ZNF804A: variants seen among roughly 807,000 people sequenced by gnomAD.
The protein encoded by ZNF804A is zinc finger protein 804A.
A neutral mutation model predicts 16.5 loss-of-function variants in ZNF804A; 2 were observed. The ratio of observed to expected loss-of-function variants is 0.12; its 90% CI spans 0.05 to 0.38. The LOEUF (loss-of-function observed/expected upper bound fraction) is 0.38. Among genes scored for constraint, ZNF804A ranks in the 10% least tolerant of loss-of-function variants. The pLI is 0.99. For synonymous variants in ZNF804A, 534 were observed against 489.6 expected, an observed-to-expected ratio of 1.09 and a Z score of -1.20; for missense variants, 1,473 against 1,390.7, an observed-to-expected ratio of 1.06 and a Z score of -0.94.
intron 1 of ZNF804A, among the ~76,000 whole-genome samples, chr2:184,818,083 A>G (rs1336166728): frequency 6.6e-6 from 1 of 151,928 alleles, no homozygotes; most frequent in African/African-American, 2.4e-5. Context: ...ACATAAGAAG[A>G]TCAACCCCAA....
Position 184,939,157 on chromosome 2 carries a change from A to G in ZNF804A, c.*131A>G. On this transcript the variant is annotated 3_prime_UTR_variant, in exon 4 of 4. Coordinates refer to ENST00000302277, the MANE Select transcript of ZNF804A (RefSeq NM_194250.2). The stretch of plus-strand genomic sequence containing the variant: ...GCCGATACATGGCGTCATTGGTTTG[A>G]AATCATTTACTGTAAGTGCAATGAT... The G allele has an allele frequency of 8.5e-7, 1 of 1,171,588 alleles. No homozygotes were observed. The highest frequency in any genetic ancestry group is 2.4e-5 in the East Asian group (1 of 42,130). 72.6% of individuals were successfully genotyped at this position (1,171,588 alleles called of 1,614,324 possible). A position where few individuals can be genotyped will look rare whatever the true frequency, so the allele number is the denominator to read the frequency against.
chr2:184,897,630 A>T (rs1685108990), intron 2 of ZNF804A, among the ~76,000 whole-genome samples: 1 of 151,954 alleles, frequency 6.6e-6, no homozygotes, highest in Non-Finnish European at 1.5e-5. Flanking sequence ...TTTCTCCAAC[A>T]CTTTTTTATT....
At chr2:184,919,470 C>A (rs1023310527) in intron 2 of ZNF804A, among the ~76,000 whole-genome samples, 1 of 152,154 alleles carries the variant, frequency 6.6e-6, no homozygotes, top group Non-Finnish European at 1.5e-5. Flanking sequence ...GTTCATTGGG[C>A]AGTGACACAG....
intron 1 of ZNF804A, among the ~76,000 whole-genome samples, chr2:184,744,304 T>A (rs1406271641): frequency 6.6e-6 from 1 of 151,936 alleles, no homozygotes; most frequent in African/African-American, 2.4e-5. Context: ...GTACATCATA[T>A]TATCATAGAA....
chr2:184,643,453 T>C (rs748515982), intron 1 of ZNF804A, among the ~76,000 whole-genome samples: 4 of 151,970 alleles, frequency 2.6e-5, no homozygotes, highest in Non-Finnish European at 4.4e-5. Context: ...AAAAGAGATA[T>C]ACTCATTGTA....
chr2:184,603,551 A>G (rs1691083088), intron 1 of ZNF804A, among the ~76,000 whole-genome samples: 1 of 152,184 alleles, frequency 6.6e-6, no homozygotes, highest in South Asian at 2.1e-4. Context: ...ATGTAATTTA[A>G]AAGGCTTCTC....
chr2:184,780,203 G>A (rs1044437839), intron 1 of ZNF804A, among the ~76,000 whole-genome samples: 1 of 151,732 alleles, frequency 6.6e-6, no homozygotes, highest in Non-Finnish European at 1.5e-5. Context: ...GCCATGTTAT[G>A]TAGTACCAGA....
At position 184,939,040 on chromosome 2, in the gene ZNF804A, G is replaced by A; in HGVS notation, c.*14G>A. The A allele has an allele frequency of 6.2e-7, 1 of 1,606,312 alleles. No individual in the cohort carries two copies. The highest frequency in any genetic ancestry group is 8.5e-7 in the Non-Finnish European group (1 of 1,175,024). On this transcript the variant is annotated 3_prime_UTR_variant, in exon 4 of 4. Transcript: ENST00000302277. The stretch of plus-strand genomic sequence containing the variant: ...CCTCTCTTCTAGTCATCACCATAAT[G>A]GGAAAAAAATACTCTTGTGAAAACT...
intron 1 of ZNF804A, among the ~76,000 whole-genome samples, chr2:184,746,249 T>C (rs1693787703): frequency 1.3e-5 from 2 of 151,562 alleles, no homozygotes; most frequent in South Asian, 4.1e-4. Context: ...GTAACTATAG[T>C]TGCCCTATTG....
chr2:184,816,075 A>G (rs986710937), intron 1 of ZNF804A, among the ~76,000 whole-genome samples: 4 of 152,002 alleles, frequency 2.6e-5, no homozygotes, highest in African/African-American at 4.8e-5. Flanking sequence ...TCATCATTCC[A>G]TTTTCCTCAC....
intron 1 of ZNF804A, among the ~76,000 whole-genome samples, chr2:184,727,042 T>C (rs1269108420): frequency 6.6e-6 from 1 of 151,650 alleles, no homozygotes; most frequent in Non-Finnish European, 1.5e-5. Flanking sequence ...GTAAACCTTA[T>C]CTATAAGCAA....
intron 2 of ZNF804A, among the ~76,000 whole-genome samples, chr2:184,893,714 G>A (rs1384207168): frequency 6.6e-6 from 1 of 152,098 alleles, no homozygotes; most frequent in Non-Finnish European, 1.5e-5. Flanking sequence ...GGGTTGAATT[G>A]TTGATCATAT....
chr2:184,728,715 C>T (rs1391996268), intron 1 of ZNF804A, among the ~76,000 whole-genome samples: 3 of 151,624 alleles, frequency 2.0e-5, no homozygotes. Context: ...GAAAAATAAG[C>T]CAGCATAATT....
chr2:184,607,737 A>G (rs1691172193), intron 1 of ZNF804A, among the ~76,000 whole-genome samples: 1 of 152,158 alleles, frequency 6.6e-6, no homozygotes, highest in Non-Finnish European at 1.5e-5. Context: ...AATGAGCTTT[A>G]AATTGAGATA....
rs180820997 is a variant in ZNF804A, at chr2:184,672,890, C to T, written c.111+73820C>T. On this transcript the variant is annotated intron_variant, in intron 1 of 3. Transcript: ENST00000302277. ...CCAAGTAGCTGGGACTACAGGCATC[C>T]GCCACCACGCCCAGCTAATTTTTGT... Among the ~76,000 whole-genome samples, 896 of 152,058 alleles carry T rather than the reference C, an allele frequency of 5.9e-3. 9 individuals carry two copies. Among genetic ancestry groups the T allele is most frequent in the African/African-American group, 0.013 (548 of 41,488 alleles).
At chr2:184,851,360 C>T (rs988935967) in intron 1 of ZNF804A, among the ~76,000 whole-genome samples, 4 of 151,908 alleles carry the variant, frequency 2.6e-5, no homozygotes, top group Admixed American at 2.0e-4. Flanking sequence ...CCCCTATACC[C>T]TGGGAACCAC....
intron 1 of ZNF804A, among the ~76,000 whole-genome samples, chr2:184,666,068 A>T (rs1371800326): frequency 6.6e-6 from 1 of 152,152 alleles, no homozygotes; most frequent in East Asian, 1.9e-4. Context: ...AACACCACAA[A>T]TTGAAAATTA....
At position 184,937,060 on chromosome 2, in the gene ZNF804A, T is replaced by C. The variant is rs551785144; in HGVS notation, c.1664T>C (p.Ile555Thr). 1.2e-6 allele frequency: 2 copies of C among 1,603,978 alleles called. No individual in the cohort carries two copies. The highest frequency in any genetic ancestry group is 1.8e-5 in the Admixed American group (1 of 56,898). Residue 555 changes from isoleucine to threonine, a missense_variant, in exon 4 of 4, where the codon ATC becomes ACC. By Grantham distance (89) the Ile-to-Thr change is moderately conservative. Transcript: ENST00000302277. Reference protein sequence around the residue: ...GQRYKNISCKIRETEKYNFTK... With the variant: ...GQRYKNISCKTRETEKYNFTK... ...AGGTATAAAAACATTTCCTGTAAGA[T>C]CAGAGAAACAGAAAAGTATAATTTT... is the stretch of plus-strand genomic sequence containing the variant.
At chr2:184,903,982 G>T (rs548923582) in intron 2 of ZNF804A, among the ~76,000 whole-genome samples, 1 of 151,668 alleles carries the variant, frequency 6.6e-6, no homozygotes, top group Non-Finnish European at 1.5e-5. Flanking sequence ...AAAGATTCCC[G>T]AAAAAAACCC....
Sources: allele counts gnomAD v4.1 joint callset (sites outside exome capture counted in the v4.1 genomes callset), GRCh38; gene constraint gnomAD v4.1.1; transcripts MANE v1.5; gene names NCBI Gene and HGNC (gene_info 2026-07-23, HGNC 2026-07-21).